The following TAP2 variants were observed in gnomAD, a reference collection of about 807,000 sequenced individuals.
TAP2 encodes transporter 2, ATP binding cassette subfamily B member, also known as antigen peptide transporter 2.
Under a neutral mutation model 74.7 loss-of-function variants are expected in TAP2, and 49 were observed. That is an observed-to-expected ratio of 0.66 (90% confidence interval 0.52 to 0.83). TAP2 has a LOEUF of 0.83. Ranked by LOEUF, TAP2 falls within the 40% of genes least tolerant of loss-of-function variation. The probability of loss-of-function intolerance (pLI) is 0.00; values close to 1 mark genes in which losing one functional copy is unlikely to be tolerated. For synonymous variants in TAP2, 306 were observed against 368.4 expected (o/e 0.83, Z 1.94); for missense variants, 739 against 859.0 (o/e 0.86, Z 1.75).
In TAP2 at chr6:32,829,052, G is replaced by A; in HGVS notation, c.1933-18C>T. The stretch of plus-strand genomic sequence containing the variant: ...TCCTGCAGCTGAAGGGGTGATCACA[G>A]TGCCTCAGAAAGACAGGAATGAGAT... On this transcript the variant is annotated intron_variant, in intron 11 of 11. Transcript: ENST00000374897. The A allele has an allele frequency of 6.5e-7, 1 of 1,540,008 alleles. No individual in the cohort carries two copies. The highest frequency in any genetic ancestry group is 2.5e-5 in the East Asian group (1 of 40,660).
Position 32,826,919 on chromosome 6 carries a change from A to C in TAP2, c.*1987T>G. On this transcript the variant is annotated 3_prime_UTR_variant, in exon 12 of 12. Coordinates refer to ENST00000374897, the MANE Select transcript of TAP2 (RefSeq NM_001290043.2). ...AATTATTATTCCTGTTTTATGAATA[A>C]AGGACATTTGTGGGAGAGAAAGGAA... 6 of 985,370 alleles carry C rather than the reference A, an allele frequency of 6.1e-6. No individual in the cohort carries two copies. The highest frequency in any genetic ancestry group is 7.2e-6 in the Non-Finnish European group (6 of 829,906). The allele number at this position is 985,370 out of a possible 1,614,324, so 61.0% of individuals were successfully genotyped here.
chr6:32,835,489 A>C lies in TAP2; in HGVS notation c.740-130T>G, dbSNP rs1299054897. Reference sequence around the variant, plus strand: ...CATCCTCCTTCACTTGCAGAGGGACAGTGGAGGCTGCTTCTCCACCCTGTC... The same window carrying C: ...CATCCTCCTTCACTTGCAGAGGGACCGTGGAGGCTGCTTCTCCACCCTGTC... On this transcript the variant is annotated intron_variant, in intron 4 of 11. Transcript: ENST00000374897. This position sits in a 1 kb window ranked among gnomAD's most constrained non-coding sequence, Gnocchi z 4.0. 3.5e-6 allele frequency: 5 copies of C among 1,429,130 alleles called. No individual in the cohort carries two copies. Among genetic ancestry groups the C allele is most frequent in the Non-Finnish European group, 1.9e-6 (2 of 1,028,936 alleles). 88.5% of individuals were successfully genotyped at this position (1,429,130 alleles called of 1,614,324 possible).
chr6:32,824,029 ATTAGTT>A (rs201576728), downstream of TAP2, among the ~76,000 whole-genome samples: 4,829 of 152,210 alleles, frequency 0.032, 114 homozygotes, highest in East Asian at 0.046. Context: ...CACTTGATTT[ATTAGTT>A]TTAAAGAATA....
Position 32,838,101 on chromosome 6 carries a change from G to T in TAP2, c.133C>A (p.Arg45=), listed in dbSNP as rs1360521050. ...LPGLWLEGTL[R]LGGLWGLLKL... Reference sequence around the variant, plus strand: ...AGCAGCCCCCACAGCCCTCCCAGCCGCAGGGTCCCCTCCAGCCATAGTCCT... The same window carrying T: ...AGCAGCCCCCACAGCCCTCCCAGCCTCAGGGTCCCCTCCAGCCATAGTCCT... Residue 45 remains arginine, a synonymous_variant, in exon 2 of 12, where the codon CGG becomes AGG. Coordinates refer to ENST00000374897, the MANE Select transcript of TAP2 (RefSeq NM_001290043.2). The T allele has an allele frequency of 8.1e-6, 13 of 1,611,674 alleles. No homozygotes were observed. Among genetic ancestry groups the T allele is most frequent in the Non-Finnish European group, 1.1e-5 (13 of 1,179,468 alleles).
In TAP2 at chr6:32,826,228, G is replaced by A; in HGVS notation, c.*2678C>T. 2 of 985,442 alleles carry A rather than the reference G, an allele frequency of 2.0e-6. No homozygotes were observed. The highest frequency in any genetic ancestry group is 2.4e-6 in the Non-Finnish European group (2 of 829,940). 61.0% of individuals were successfully genotyped at this position (985,442 alleles called of 1,614,324 possible). On this transcript the variant is annotated 3_prime_UTR_variant, in exon 12 of 12. Transcript: ENST00000374897. ...TACAAGTGGCTATCCCTGGGTGGAG[G>A]CATAAAGGACTTGAAACTCAATGCT...
chr6:32,836,542 G>C (rs1485630670), intron 3 of TAP2, among the ~76,000 whole-genome samples: 1 of 152,168 alleles, frequency 6.6e-6, no homozygotes, highest in Non-Finnish European at 1.5e-5. Flanking sequence ...ACATCATAGA[G>C]TGTACTTACA....
At position 32,832,828 on chromosome 6, in the gene TAP2, G is replaced by A. The variant is rs200203314; in HGVS notation, c.946-4C>T. 6.2e-7 allele frequency: 1 copy of A among 1,611,744 alleles called. No homozygotes were observed. Among genetic ancestry groups the A allele is most frequent in the South Asian group, 1.1e-5 (1 of 91,076 alleles). On this transcript the variant is annotated splice_region_variant and splice_polypyrimidine_tract_variant and intron_variant, in intron 5 of 11. Coordinates refer to ENST00000374897, the MANE Select transcript of TAP2 (RefSeq NM_001290043.2). The surrounding 1 kb of genome is among the most constrained non-coding windows in gnomAD (Gnocchi z 5.9). ...CCTGGATCTCCCGAAGCACTTCCTG[G>A]AAAAGAGGGCCAGCAAACACCAGGG...
At chr6:32,821,892 T>C (rs1768306187), downstream of TAP2, 1 of 193,106 alleles carries the variant, frequency 5.2e-6, no homozygotes, top group Non-Finnish European at 1.1e-5. Context: ...CAGCTCAAAA[T>C]ACTGGTTTAA....
chr6:32,825,806 T>C lies in TAP2; in HGVS notation c.*3100A>G. The C allele has an allele frequency of 4.4e-6, 1 of 225,554 alleles. No homozygotes were observed. The highest frequency in any genetic ancestry group is 7.4e-6 in the Non-Finnish European group (1 of 135,258). 14.0% of individuals were successfully genotyped at this position (225,554 alleles called of 1,614,324 possible). A position where few individuals can be genotyped will look rare whatever the true frequency, so the allele number is the denominator to read the frequency against. On this transcript the variant is annotated 3_prime_UTR_variant, in exon 12 of 12. Transcript: ENST00000374897. ...ATGCAAAGCTGGGCAAGTCCACCTC[T>C]TCCTTAGCTATGTGACCCAGGCAAG... is the stretch of plus-strand genomic sequence containing the variant.
At chr6:32,830,516 C>T (rs1408650427) in intron 8 of TAP2, 76 bp from the exon 9 acceptor site, 1 of 1,593,512 alleles carries the variant, frequency 6.3e-7, no homozygotes, top group African/African-American at 1.3e-5. Flanking sequence ...TTAGCAGAGG[C>T]AAGACCAGGT....
Position 32,827,789 on chromosome 6 carries a change from C to T in TAP2, c.*1117G>A. On this transcript the variant is annotated 3_prime_UTR_variant, in exon 12 of 12. Coordinates refer to ENST00000374897, the MANE Select transcript of TAP2 (RefSeq NM_001290043.2). ...GGCTTGAGAGCACCTGAAGGAATTT[C>T]CAGAAATGCCATCATCGTATGTGAC... 1 of 866,536 alleles carries T rather than the reference C, an allele frequency of 1.2e-6. No individual in the cohort carries two copies. 53.7% of individuals were successfully genotyped at this position (866,536 alleles called of 1,614,324 possible). A position where few individuals can be genotyped will look rare whatever the true frequency, so the allele number is the denominator to read the frequency against.
At position 32,828,901 on chromosome 6, in the gene TAP2, C is replaced by G. The variant is rs776188818; in HGVS notation, c.*5G>C. The G allele has an allele frequency of 6.5e-7, 1 of 1,540,076 alleles. No individual in the cohort carries two copies. The highest frequency in any genetic ancestry group is 1.2e-5 in the South Asian group (1 of 83,030). Reference sequence around the variant, plus strand: ...CACCAGGCGGGAATAGAGGTCCTGTCCCTCCTAGAGCTGGGCAAGCTTCTG... The same window carrying G: ...CACCAGGCGGGAATAGAGGTCCTGTGCCTCCTAGAGCTGGGCAAGCTTCTG... On this transcript the variant is annotated 3_prime_UTR_variant, in exon 12 of 12. Transcript: ENST00000374897.
chr6:32,835,705 C>G lies in TAP2; in HGVS notation c.677G>C (p.Arg226Pro). ...CAGCAGGGAGGAGAAAAGCTGCTCC[C>G]GGATCCGCAAGTTGATTCGAGACAT... Reference protein sequence around the residue: ...YTMSRINLRIREQLFSSLLRQ... With the variant: ...YTMSRINLRIPEQLFSSLLRQ... Residue 226 changes from arginine to proline, a missense_variant, in exon 4 of 12, where the codon CGG (arginine) becomes CCG (proline). Transcript: ENST00000374897. The surrounding 1 kb of genome is among the most constrained non-coding windows in gnomAD (Gnocchi z 4.0). 5.0e-6 allele frequency: 8 copies of G among 1,613,034 alleles called. No homozygotes were observed. The highest frequency in any genetic ancestry group is 6.8e-6 in the Non-Finnish European group (8 of 1,180,030).
In TAP2 at chr6:32,835,217, G is replaced by A; in HGVS notation, c.882C>T (p.Leu294=). 2 of 1,613,050 alleles carry A rather than the reference G, an allele frequency of 1.2e-6. No homozygotes were observed. Among genetic ancestry groups the A allele is most frequent in the East Asian group, 2.2e-5 (1 of 44,884 alleles). The change falls in exon 5 of 12, where the codon CTC becomes CTT. Residue 294 remains leucine, a synonymous_variant. Transcript: ENST00000374897. This position sits in a 1 kb window ranked among gnomAD's most constrained non-coding sequence, Gnocchi z 4.0. The part of the protein sequence containing the change: ...FMLSISPRLT[L]LSLLHMPFTI... The stretch of plus-strand genomic sequence containing the variant: ...TGAAGGGCATGTGCAGCAGAGAAAG[G>A]AGGGTGAGTCGAGGCGATATGCTGA...
chr6:32,832,836 G>C lies in TAP2; in HGVS notation c.946-12C>G. The C allele has an allele frequency of 6.2e-7, 1 of 1,611,222 alleles. No homozygotes were observed. The highest frequency in any genetic ancestry group is 8.5e-7 in the Non-Finnish European group (1 of 1,179,910). On this transcript the variant is annotated splice_polypyrimidine_tract_variant and intron_variant, in intron 5 of 11. Coordinates refer to ENST00000374897, the MANE Select transcript of TAP2 (RefSeq NM_001290043.2). The surrounding 1 kb of genome is among the most constrained non-coding windows in gnomAD (Gnocchi z 5.9). ...TCCCGAAGCACTTCCTGGAAAAGAGGGCCAGCAAACACCAGGGCTGATGTG... is the reference window on the plus strand; with the variant it reads ...TCCCGAAGCACTTCCTGGAAAAGAGCGCCAGCAAACACCAGGGCTGATGTG...
intron 5 of TAP2, among the ~76,000 whole-genome samples, chr6:32,833,743 T>A (rs1467929655): frequency 6.6e-6 from 1 of 152,190 alleles, no homozygotes; most frequent in Non-Finnish European, 1.5e-5. Flanking sequence ...TTTGATACGA[T>A]CTGGCTGTGT....
chr6:32,830,668 G>A lies in TAP2; in HGVS notation c.1411C>T (p.Gln471Ter). Reference protein sequence around the residue: ...PTTLQGVVKFQDVSFAYPNRP... With the variant: ...PTTLQGVVKF ...TTGGGATATGCAAAGGAGACGTCTT[G>A]GAATTTCACAACCCCCTGCAGAGTG... Residue 471 changes from glutamine (Q) to a stop codon, truncating the protein, a stop_gained, in exon 8 of 12, where the codon CAA (glutamine) becomes TAA (stop). Transcript: ENST00000374897. LOFTEE classifies it high-confidence loss of function. 4 of 1,613,084 alleles carry A rather than the reference G, an allele frequency of 2.5e-6. No individual in the cohort carries two copies. The highest frequency in any genetic ancestry group is 3.4e-6 in the Non-Finnish European group (4 of 1,180,030).
At chr6:32,829,377 C>A in intron 11 of TAP2, 23 bp downstream of exon 11, 2 of 1,578,936 alleles carry the variant, frequency 1.3e-6, no homozygotes, top group Non-Finnish European at 1.7e-6. Flanking sequence ...CCCCACTGTC[C>A]CCTGCCCTCT....
chr6:32,823,262 AT>A (rs1768423040), downstream of TAP2, among the ~76,000 whole-genome samples: 1 of 152,146 alleles, frequency 6.6e-6, no homozygotes, highest in African/African-American at 2.4e-5. Flanking sequence ...GGGAAAGGGA[AT>A]TAAAGTGTTC....
Sources: gnomAD v4.1 joint callset for allele counts (sites outside exome capture counted in the v4.1 genomes callset) on GRCh38, gnomAD v4.1.1 for gene constraint, Gnocchi (gnomAD v3.1) non-coding constraint, MANE v1.5 for transcripts, NCBI Gene and HGNC (gene_info 2026-07-23, HGNC 2026-07-21) for gene names.